Variants in AGMO observed in about 807,000 individuals in gnomAD.
AGMO encodes the protein alkylglycerol monooxygenase.
AGMO carries 75 observed loss-of-function variants against 60.2 expected under a neutral mutation model. The ratio of observed to expected loss-of-function variants is 1.25; its 90% confidence interval spans 1.03 to 1.51. The LOEUF is 1.51. Ranked by LOEUF, AGMO falls within the 40% of genes most tolerant of loss-of-function variation. The pLI is 0.00. For missense variants in AGMO, 763 were observed against 525.5 expected (o/e 1.45, Z -4.42); for synonymous variants, 261 against 177.1 (o/e 1.47, Z -3.76).
chr7:15,169,954 G>A, the AGMO span, among the ~76,000 whole-genome samples: 1 of 152,242 alleles, frequency 6.6e-6, no homozygotes, highest in Non-Finnish European at 1.5e-5. Context: ...GACTGGTTCA[G>A]AGAATTTGGC....
chr7:15,250,433 C>G (rs965960699), intron 12 of AGMO, among the ~76,000 whole-genome samples: 9 of 151,928 alleles, frequency 5.9e-5, no homozygotes, highest in African/African-American at 1.7e-4. Flanking sequence ...TAGGTAGAAC[C>G]AGAGTCTGAT....
At chr7:15,227,920 G>T (rs1782138850) in intron 12 of AGMO, among the ~76,000 whole-genome samples, 2 of 151,960 alleles carry the variant, frequency 1.3e-5, no homozygotes, top group African/African-American at 2.4e-5. Context: ...CAAAAGCTTG[G>T]TATTAGAGTA....
At chr7:15,228,389 A>G (rs1782152757) in intron 12 of AGMO, among the ~76,000 whole-genome samples, 1 of 152,120 alleles carries the variant, frequency 6.6e-6, no homozygotes, top group African/African-American at 2.4e-5. Flanking sequence ...CTTGCTAGCT[A>G]TAGAGCTTAA....
chr7:15,402,191 G>T (rs911731218), intron 5 of AGMO, among the ~76,000 whole-genome samples: 8 of 152,132 alleles, frequency 5.3e-5, no homozygotes, highest in African/African-American at 1.7e-4. Flanking sequence ...TGTAAGCCAA[G>T]TCTAAAATTA....
intron 12 of AGMO, among the ~76,000 whole-genome samples, chr7:15,225,910 G>C (rs1038356104): frequency 6.6e-6 from 1 of 151,526 alleles, no homozygotes; most frequent in African/African-American, 2.4e-5. Context: ...TCTTACCCTG[G>C]CAACTTGGCA....
At chr7:15,368,611 G>C (rs184153473) in intron 10 of AGMO, among the ~76,000 whole-genome samples, 12 of 152,226 alleles carry the variant, frequency 7.9e-5, no homozygotes, top group Non-Finnish European at 1.6e-4. Context: ...ATACTTAAAA[G>C]AGTGTTTGGC....
chr7:15,321,826 A>G (rs1453519126), intron 12 of AGMO, among the ~76,000 whole-genome samples: 1 of 152,130 alleles, frequency 6.6e-6, no homozygotes, highest in Non-Finnish European at 1.5e-5. Context: ...CCCATAGGCT[A>G]GTAAATAGTC....
intron 12 of AGMO, among the ~76,000 whole-genome samples, chr7:15,275,807 T>TA (rs1328462864): frequency 1.3e-5 from 2 of 152,202 alleles, no homozygotes; most frequent in Non-Finnish European, 2.9e-5. Context: ...TCTTTTTTTT[T>TA]AACCATTGTT....
At chr7:15,256,591 T>C (rs1025090009) in intron 12 of AGMO, among the ~76,000 whole-genome samples, 2 of 152,166 alleles carry the variant, frequency 1.3e-5, no homozygotes, top group Non-Finnish European at 2.9e-5. Context: ...CTAGATCTCC[T>C]GACCTCGTGT....
intron 3 of AGMO, among the ~76,000 whole-genome samples, chr7:15,468,492 T>C (rs1782351132): frequency 6.6e-6 from 1 of 152,132 alleles, no homozygotes; most frequent in Admixed American, 6.6e-5. Context: ...GTACATGTTT[T>C]AAACATGTAA....
the AGMO span, among the ~76,000 whole-genome samples, chr7:15,117,962 C>A: frequency 8.6e-5 from 13 of 152,030 alleles, no homozygotes; most frequent in Admixed American, 7.2e-4. Context: ...AACCATATTT[C>A]ACCCAACAAT....
intron 12 of AGMO, among the ~76,000 whole-genome samples, chr7:15,312,779 G>A (rs1398327954): frequency 6.6e-6 from 1 of 151,258 alleles, no homozygotes; most frequent in Non-Finnish European, 1.5e-5. Context: ...TGCCTCCTGG[G>A]CTCAAGAGCC....
At chr7:15,151,410 T>C in the AGMO span, among the ~76,000 whole-genome samples, 1 of 152,108 alleles carries the variant, frequency 6.6e-6, no homozygotes, top group East Asian at 1.9e-4. Flanking sequence ...CTAGGTGTGA[T>C]GTTAGATTTG....
chr7:15,505,686 C>A (rs930642585), intron 3 of AGMO, among the ~76,000 whole-genome samples: 1 of 151,838 alleles, frequency 6.6e-6, no homozygotes, highest in Admixed American at 6.6e-5. Flanking sequence ...CTGAAAAAAA[C>A]AAACTAATGT....
intron 12 of AGMO, among the ~76,000 whole-genome samples, chr7:15,347,222 A>C (rs1384723764): frequency 6.6e-6 from 1 of 152,040 alleles, no homozygotes; most frequent in Non-Finnish European, 1.5e-5. Flanking sequence ...CCGTATATAC[A>C]TACATAGATT....
At chr7:15,550,344 C>A (rs1784914017) in intron 2 of AGMO, among the ~76,000 whole-genome samples, 1 of 152,012 alleles carries the variant, frequency 6.6e-6, no homozygotes, top group South Asian at 2.1e-4. Flanking sequence ...AATAGAGACA[C>A]AAAACACCCT....
In AGMO at chr7:15,325,909, A is replaced by G. The variant is rs189691802; in HGVS notation, c.1263+39605T>C. ...TCTGTCCCCTTTAATGACAAAAAGA[A>G]GAGGAAGAAGACGGAGGAGGAGGAG... On this transcript the variant is annotated intron_variant, in intron 12 of 12. Transcript: ENST00000342526. Among the ~76,000 whole-genome samples the G allele has an allele frequency of 5.5e-3, 837 of 152,246 alleles. 13 individuals carry two copies. The highest frequency in any genetic ancestry group is 0.019 in the African/African-American group (780 of 41,558).
At chr7:15,461,755 T>C (rs1782148690) in intron 3 of AGMO, among the ~76,000 whole-genome samples, 1 of 151,844 alleles carries the variant, frequency 6.6e-6, no homozygotes, top group Non-Finnish European at 1.5e-5. Context: ...AAAAGCAGAG[T>C]CTTTGGGGGG....
intron 12 of AGMO, among the ~76,000 whole-genome samples, chr7:15,362,485 G>A (rs983766288): frequency 6.6e-6 from 1 of 152,238 alleles, no homozygotes; most frequent in East Asian, 1.9e-4. Context: ...AATGATAACT[G>A]TAATTTATCA....
Sources: allele counts gnomAD v4.1 joint callset (sites outside exome capture counted in the v4.1 genomes callset), GRCh38; gene constraint gnomAD v4.1.1; transcripts MANE v1.5; gene names NCBI Gene and HGNC (gene_info 2026-07-23, HGNC 2026-07-21).